ZNF512: variants seen among roughly 807,000 people sequenced by gnomAD.
ZNF512 encodes the protein zinc finger protein 512.
In ZNF512, 25 loss-of-function variants were observed where a neutral mutation model predicts 77.5. The ratio of observed to expected loss-of-function variants is 0.32; its 90% CI spans 0.23 to 0.45. The LOEUF is 0.45. ZNF512 is among the 20% of genes least tolerant of loss of function. The pLI, the probability that ZNF512 is intolerant of heterozygous loss-of-function variation, is 1.00. For synonymous variants in ZNF512, 246 were observed against 239.9 expected, an observed-to-expected ratio of 1.03 and a Z score of -0.24; for missense variants, 483 against 692.6, an observed-to-expected ratio of 0.70 and a Z score of 3.40.
At chr2:27,586,842 A>G (rs1671351111) in intron 2 of ZNF512, among the ~76,000 whole-genome samples, 1 of 152,214 alleles carries the variant, frequency 6.6e-6, no homozygotes, top group Non-Finnish European at 1.5e-5. Context: ...ATGAAGTCAC[A>G]CAGTATGTTC....
At chr2:27,584,481 C>T (rs1671245320) in intron 2 of ZNF512, among the ~76,000 whole-genome samples, 1 of 152,152 alleles carries the variant, frequency 6.6e-6, no homozygotes, top group Non-Finnish European at 1.5e-5. Context: ...TTGCTGTGCG[C>T]CAGTTCTGTA....
chr2:27,601,268 G>A, intron 6 of ZNF512, 88 bp from the exon 7 acceptor site: 1 of 908,850 alleles, frequency 1.1e-6, no homozygotes, highest in Non-Finnish European at 1.7e-6. Flanking sequence ...AAATAAAGGA[G>A]ACATAGATGA....
At chr2:27,620,633 G>A (rs891840714) in intron 13 of ZNF512, among the ~76,000 whole-genome samples, 1 of 152,150 alleles carries the variant, frequency 6.6e-6, no homozygotes, top group Non-Finnish European at 1.5e-5. Context: ...TGATAAGATT[G>A]AAGTTCTTTC....
At chr2:27,586,408 T>C (rs1425176881) in intron 2 of ZNF512, among the ~76,000 whole-genome samples, 1 of 152,112 alleles carries the variant, frequency 6.6e-6, no homozygotes, top group Non-Finnish European at 1.5e-5. Flanking sequence ...TTTTTGTATT[T>C]TAGTAGAGAA....
chr2:27,617,905 C>A (rs1411361482), intron 13 of ZNF512, among the ~76,000 whole-genome samples: 74 of 113,634 alleles, frequency 6.5e-4, no homozygotes, highest in African/African-American at 6.6e-4. Context: ...GATCCTGACT[C>A]AAAAAAAAAA....
intron 10 of ZNF512, among the ~76,000 whole-genome samples, chr2:27,611,295 C>T (rs577346456): frequency 1.2e-4 from 19 of 152,156 alleles, no homozygotes; most frequent in Admixed American, 1.1e-3. Flanking sequence ...TGTTATAGTT[C>T]CCCTGGCTTT....
chr2:27,608,009 G>A lies in ZNF512; in HGVS notation c.1101G>A (p.Val367=), dbSNP rs761576637. ...CCAAGGAATGGCCCAAGAGGAAGGT[G>A]CTTCAGGACCTGGTACCTGATGATC... ...ELAKEWPKRK[V]LQDLVPDDRK... is the part of the protein sequence containing the mutation. Residue 367 remains valine, a synonymous_variant, in exon 10 of 14, where the codon GTG becomes GTA. Transcript: ENST00000355467. 3.1e-6 allele frequency: 5 copies of A among 1,593,422 alleles called. No homozygotes were observed. The South Asian group carries it at 5.7e-5, about 18-fold the overall frequency.
At chr2:27,610,556 A>G (rs2148035582) in intron 10 of ZNF512, among the ~76,000 whole-genome samples, 1 of 27,162 alleles carries the variant, frequency 3.7e-5, no homozygotes, top group African/African-American at 1.3e-4. Context: ...ATATATATAT[A>G]TATATATATA....
In ZNF512 at chr2:27,622,714, T is replaced by A. The variant is rs537393492; in HGVS notation, c.*1253T>A. 2.0e-5 allele frequency: 3 copies of A among 152,912 alleles called. No individual in the cohort carries two copies. The South Asian group carries it at 6.2e-4, about 32-fold the overall frequency. 9.5% of individuals were successfully genotyped at this position (152,912 alleles called of 1,614,324 possible). ...TTTGCGTAAATATTGGTCTTATATA[T>A]TCTTGCCTATTTTGTGGCATATGCC... On this transcript the variant is annotated 3_prime_UTR_variant, in exon 14 of 14. Coordinates refer to ENST00000355467, the MANE Select transcript of ZNF512 (RefSeq NM_032434.4).
intron 9 of ZNF512, among the ~76,000 whole-genome samples, chr2:27,606,816 T>C (rs531118118): frequency 1.8e-4 from 27 of 152,352 alleles, no homozygotes; most frequent in Middle Eastern, 3.4e-3. Context: ...GGCTGGAATC[T>C]GTGTCGGTAG....
In ZNF512 at chr2:27,622,761, T is replaced by C. The variant is rs1181164306; in HGVS notation, c.*1300T>C. On this transcript the variant is annotated 3_prime_UTR_variant, in exon 14 of 14. Coordinates refer to ENST00000355467, the MANE Select transcript of ZNF512 (RefSeq NM_032434.4). ...TGCCACATAAAAAATGAACCTGATA[T>C]AGACAAGTACTACCTTTTCAAATTC... is the stretch of plus-strand genomic sequence containing the variant. The C allele has an allele frequency of 2.0e-5, 3 of 152,802 alleles. No individual in the cohort carries two copies. The highest frequency in any genetic ancestry group is 1.9e-4 in the East Asian group (1 of 5,336). The allele number at this position is 152,802 out of a possible 1,614,324, so 9.5% of individuals were successfully genotyped here.
intron 5 of ZNF512, 109 bp downstream of exon 5, chr2:27,600,162 T>A (rs975245506): frequency 8.1e-7 from 1 of 1,238,850 alleles, no homozygotes; most frequent in Non-Finnish European, 1.2e-6. Context: ...AAGGAGGCAG[T>A]TACTAAGGGC....
rs1572942230 is a variant in ZNF512 at position 27,622,570 on chromosome 2, T to C, written c.*1109T>C. On this transcript the variant is annotated 3_prime_UTR_variant, in exon 14 of 14. Coordinates refer to ENST00000355467, the MANE Select transcript of ZNF512 (RefSeq NM_032434.4). ...TCTGGAGCTGGAAAGAAAAATTCTT[T>C]TTCTGTACCTCATGCCTATCTGGTA... is the stretch of plus-strand genomic sequence containing the variant. 6.5e-6 allele frequency: 1 copy of C among 152,828 alleles called. No homozygotes were observed. The highest frequency in any genetic ancestry group is 1.9e-4 in the East Asian group (1 of 5,342). 9.5% of individuals were successfully genotyped at this position (152,828 alleles called of 1,614,324 possible).
intron 2 of ZNF512, among the ~76,000 whole-genome samples, chr2:27,595,476 C>T (rs921911273): frequency 1.2e-4 from 19 of 152,124 alleles, no homozygotes; most frequent in Non-Finnish European, 1.5e-5. Flanking sequence ...AGGCACCCAC[C>T]ACCAGGCCTG....
intron 2 of ZNF512, among the ~76,000 whole-genome samples, chr2:27,596,379 A>G (rs1671871384): frequency 6.6e-6 from 1 of 152,178 alleles, no homozygotes; most frequent in Non-Finnish European, 1.5e-5. Flanking sequence ...TCATACATTG[A>G]ATTAAGAGAT....
intron 9 of ZNF512, among the ~76,000 whole-genome samples, chr2:27,604,725 G>T (rs1157800861): frequency 6.6e-6 from 1 of 152,184 alleles, no homozygotes; most frequent in Non-Finnish European, 1.5e-5. Context: ...AGGCTGCAGA[G>T]CTGTGATCAT....
chr2:27,583,144 T>A lies in ZNF512; in HGVS notation c.30+2T>A. On this transcript the variant is annotated splice_donor_variant, in intron 1 of 13. Transcript: ENST00000355467. LOFTEE classifies it high-confidence loss of function. ...TCCAGACTCGGTGCTGTACCCGCCG[T>A]GAGTTTCTTGGTTTGACCGTTATGC... 1 of 1,614,036 alleles carries A rather than the reference T, an allele frequency of 6.2e-7. No homozygotes were observed.
chr2:27,595,628 C>G (rs56904941), intron 2 of ZNF512, among the ~76,000 whole-genome samples: 3,704 of 152,260 alleles, frequency 0.024, 159 homozygotes, highest in African/African-American at 0.085. Context: ...CCGGTGGAGA[C>G]TGGGTCATTT....
chr2:27,610,462 A>G lies in ZNF512; in HGVS notation c.1131+2423A>G, dbSNP rs112257961. On this transcript the variant is annotated intron_variant, in intron 10 of 13. Coordinates refer to ENST00000355467, the MANE Select transcript of ZNF512 (RefSeq NM_032434.4). ...CTTTCCTAAAATCATCAAATAGGTT[A>G]TATATGTGTATATGTGTATATATAT... is the stretch of plus-strand genomic sequence containing the variant. Among the ~76,000 whole-genome samples the G allele has an allele frequency of 1.8e-3, 152 of 82,456 alleles. 2 individuals carry two copies. In the East Asian group the frequency reaches 0.041, roughly 22 times the overall value. The allele number at this position is 82,456 out of a possible 152,430, so 54.1% of individuals were successfully genotyped here. A position where few individuals can be genotyped will look rare whatever the true frequency, so the allele number is the denominator to read the frequency against.
Sources: gnomAD v4.1 joint callset for allele counts (sites outside exome capture counted in the v4.1 genomes callset) on GRCh38, gnomAD v4.1.1 for gene constraint, MANE v1.5 for transcripts, NCBI Gene and HGNC (gene_info 2026-07-23, HGNC 2026-07-21) for gene names.